Variants in BET1 observed in about 807,000 individuals in gnomAD.
BET1 encodes BET1 homolog.
A neutral mutation model predicts 13.9 loss-of-function variants in BET1; 9 were observed. The ratio of observed to expected loss-of-function variants is 0.65; its 90% confidence interval spans 0.39 to 1.13. The LOEUF is 1.13. BET1 is among the 50% of genes most tolerant of loss of function. The probability of loss-of-function intolerance (pLI) is 0.01; values close to 1 mark genes in which losing one functional copy is unlikely to be tolerated. For synonymous variants in BET1, 39 were observed against 47.3 expected (o/e 0.82, Z 0.72); for missense variants, 127 against 133.6 (o/e 0.95, Z 0.24).
At position 93,993,714 on chromosome 7, in the gene BET1, T is replaced by C. The variant is rs1164588665; in HGVS notation, c.*516A>G. ...TTATCATCAAAAATTATTAGGAAGA[T>C]TGTAGGTAAAAAGAAATCAGCCTAC... On this transcript the variant is annotated 3_prime_UTR_variant, in exon 4 of 4. Coordinates refer to ENST00000222547, the MANE Select transcript of BET1 (RefSeq NM_005868.6). The C allele has an allele frequency of 1.2e-5, 17 of 1,361,640 alleles. No homozygotes were observed. Among genetic ancestry groups the C allele is most frequent in the African/African-American group, 4.5e-5 (3 of 67,164 alleles). 84.3% of individuals were successfully genotyped at this position (1,361,640 alleles called of 1,614,324 possible).
chr7:93,984,445 G>GT (rs567413228), intron 4 of BET1, among the ~76,000 whole-genome samples: 194 of 152,238 alleles, frequency 1.3e-3, no homozygotes, highest in Non-Finnish European at 2.2e-3. Context: ...TTTTAGTACT[G>GT]TTACAATGTC....
intron 3 of BET1, among the ~76,000 whole-genome samples, 194 bp from the exon 4 acceptor site, chr7:93,994,579 C>T (rs545133689): frequency 2.0e-5 from 3 of 152,282 alleles, no homozygotes; most frequent in East Asian, 3.9e-4. Flanking sequence ...ATACTCTCAG[C>T]GAATAAAAAG....
chr7:93,972,292 TTGTC>T (rs1308737802), intron 6 of BET1: 3 of 151,894 alleles, frequency 2.0e-5, no homozygotes, highest in African/African-American at 4.8e-5. Context: ...AATGCTATCA[TTGTC>T]GTTGGCTTAA....
chr7:93,968,191 A>G (rs1356247133), intron 6 of BET1, among the ~76,000 whole-genome samples: 2 of 151,854 alleles, frequency 1.3e-5, no homozygotes, highest in Non-Finnish European at 2.9e-5. Flanking sequence ...ATAATGTATT[A>G]ATAAGTCTTC....
chr7:93,969,710 A>G (rs890394115), intron 6 of BET1: 2 of 151,800 alleles, frequency 1.3e-5, no homozygotes, highest in African/African-American at 4.8e-5. Flanking sequence ...AGTCAGTGCA[A>G]TCTCACACGG....
chr7:93,974,611 T>C (rs1389650383), intron 5 of BET1, among the ~76,000 whole-genome samples: 1 of 151,938 alleles, frequency 6.6e-6, no homozygotes, highest in Non-Finnish European at 1.5e-5. Flanking sequence ...TGTGGTGCCA[T>C]AGTGATAAAG....
At chr7:93,972,620 A>G (rs1454729386) in exon 6 of BET1, 1 of 151,856 alleles carries the variant, frequency 6.6e-6, no homozygotes, top group Admixed American at 6.6e-5. Flanking sequence ...GAGACTTTTC[A>G]GAGTGGTAGA....
chr7:93,972,776 A>T (rs1795277070), intron 5 of BET1: 1 of 151,558 alleles, frequency 6.6e-6, no homozygotes, highest in South Asian at 2.1e-4. Context: ...TTTTTTTCCT[A>T]TTATTTTTGA....
At chr7:93,999,341 G>C (rs1795844463) in intron 1 of BET1, 47 bp from the exon 2 acceptor site, 1 of 1,560,740 alleles carries the variant, frequency 6.4e-7, no homozygotes, top group South Asian at 1.2e-5. Flanking sequence ...AGCCACTTTT[G>C]AAACACTGTT....
chr7:93,965,654 T>C (rs1181774307), exon 7 of BET1: 1 of 152,076 alleles, frequency 6.6e-6, no homozygotes, highest in African/African-American at 2.4e-5. Flanking sequence ...AGTCTGGAAC[T>C]GATTGCCCAA....
chr7:93,975,532 T>C (rs1290586331), intron 5 of BET1, among the ~76,000 whole-genome samples: 2 of 152,062 alleles, frequency 1.3e-5, no homozygotes, highest in East Asian at 1.9e-4. Context: ...GCTTTAGTTG[T>C]AAAAAAATTA....
intron 1 of BET1, chr7:93,999,696 T>C (rs759488160): frequency 1.1e-5 from 5 of 456,498 alleles, no homozygotes; most frequent in Middle Eastern, 3.2e-4. Context: ...AAGGGAAAAG[T>C]GGTTAATACA....
At chr7:93,988,698 T>C (rs1795572288), downstream of BET1, among the ~76,000 whole-genome samples, 4 of 152,004 alleles carry the variant, frequency 2.6e-5, no homozygotes, top group African/African-American at 9.7e-5. Context: ...CATATAATAT[T>C]TTCATACTGC....
At chr7:93,972,920 T>C (rs901080310) in intron 5 of BET1, among the ~76,000 whole-genome samples, 1 of 151,700 alleles carries the variant, frequency 6.6e-6, no homozygotes, top group Admixed American at 6.6e-5. Context: ...GAAGATTCTA[T>C]TATTCTACTA....
At chr7:93,977,649 G>A (rs1562801318) in intron 4 of BET1, among the ~76,000 whole-genome samples, 2 of 151,904 alleles carry the variant, frequency 1.3e-5, no homozygotes, top group African/African-American at 2.4e-5. Flanking sequence ...TCTTGGCCAC[G>A]GGACCAACCC....
intron 6 of BET1, among the ~76,000 whole-genome samples, chr7:93,966,604 CTT>C (rs56919360): frequency 1.3e-4 from 18 of 142,392 alleles, no homozygotes; most frequent in Admixed American, 1.4e-4. Context: ...AAAAATTCCT[CTT>C]TTTTTTTTTT....
chr7:93,967,375 A>G (rs1029809551), intron 6 of BET1, among the ~76,000 whole-genome samples: 3 of 151,812 alleles, frequency 2.0e-5, no homozygotes, highest in African/African-American at 7.2e-5. Context: ...AGAGTAGGCA[A>G]TATTGTATTT....
Position 93,999,220 on chromosome 7 carries a change from TTTC to T in BET1, c.91_93del (p.Glu31del), listed in dbSNP as rs1795839790. ...CTCAGACTTTCAGTGAGCCTCTCAT[TTTC>T]TTCTTCACAGGCACTATACCCACTA... On this transcript the variant is annotated inframe_deletion, in exon 2 of 4. Coordinates refer to ENST00000222547, the MANE Select transcript of BET1 (RefSeq NM_005868.6). The T allele has an allele frequency of 6.2e-7, 1 of 1,613,480 alleles. No individual in the cohort carries two copies. The highest frequency in any genetic ancestry group is 1.3e-5 in the African/African-American group (1 of 75,036).
Position 93,999,258 on chromosome 7 carries a change from C to T in BET1, c.56G>A (p.Gly19Asp). The stretch of plus-strand genomic sequence containing the variant: ...GGCACTATACCCACTATTAGCATAG[C>T]CATAGTTCCCATAGTTGCCAGGAGG... ...GVPPGNYGNY[G>D]YANSGYSACE... The change falls in exon 2 of 4, where the codon GGC (glycine) becomes GAC (aspartate). Residue 19 changes from glycine to aspartate, a missense_variant. By Grantham distance (94) the Gly-to-Asp change is moderately conservative. Coordinates refer to ENST00000222547, the MANE Select transcript of BET1 (RefSeq NM_005868.6). 1 of 1,612,534 alleles carries T rather than the reference C, an allele frequency of 6.2e-7. No homozygotes were observed. The highest frequency in any genetic ancestry group is 8.5e-7 in the Non-Finnish European group (1 of 1,179,198).
Sources: gnomAD v4.1 joint callset for allele counts (sites outside exome capture counted in the v4.1 genomes callset) on GRCh38, gnomAD v4.1.1 for gene constraint, MANE v1.5 for transcripts, NCBI Gene and HGNC (gene_info 2026-07-23, HGNC 2026-07-21) for gene names.